KLRG2: variants seen among roughly 807,000 people sequenced by gnomAD.
KLRG2 encodes killer cell lectin-like receptor subfamily G member 2.
Under a neutral mutation model 35.4 loss-of-function variants are expected in KLRG2, and 39 were observed. That is an observed-to-expected ratio of 1.10 (90% CI 0.85 to 1.44). The LOEUF (loss-of-function observed/expected upper bound fraction) is 1.44, where lower values mean the gene tolerates loss of function less well. Among genes scored for constraint, KLRG2 ranks in the 40% most tolerant of loss-of-function variants. The pLI, the probability that KLRG2 is intolerant of heterozygous loss-of-function variation, is 0.00. For synonymous variants in KLRG2, 283 were observed against 265.8 expected (o/e 1.06, Z -0.63); for missense variants, 632 against 570.9 (o/e 1.11, Z -1.09).
At chr7:139,479,010 G>A (rs1002852642) in intron 3 of KLRG2, among the ~76,000 whole-genome samples, 23 of 152,134 alleles carry the variant, frequency 1.5e-4, no homozygotes, top group Non-Finnish European at 5.9e-5. Context: ...AGGATCACTT[G>A]AGGCCAGAAG....
rs537742771 is a variant in KLRG2, at chr7:139,479,636, G to T, written c.996C>A (p.Ser332Arg). 1 of 1,612,758 alleles carries T rather than the reference G, an allele frequency of 6.2e-7. No homozygotes were observed. Among genetic ancestry groups the T allele is most frequent in the South Asian group, 1.1e-5 (1 of 91,080 alleles). The change falls in exon 3 of 5, where the codon AGC (serine) becomes AGA (arginine). Residue 332 changes from serine to arginine, a missense_variant. Coordinates refer to ENST00000340940, the MANE Select transcript of KLRG2 (RefSeq NM_198508.4). ...SAYHATLPLLSHTQDFLGRYP... is the reference protein window; with the variant it reads ...SAYHATLPLLRHTQDFLGRYP... Reference sequence around the variant, plus strand: ...GACACCCCCTTCTCACCTGGGTGTGGCTTAGCAGGGGGAGGGTAGCGTGGT... The same window carrying T: ...GACACCCCCTTCTCACCTGGGTGTGTCTTAGCAGGGGGAGGGTAGCGTGGT...
Position 139,477,256 on chromosome 7 carries a change from A to C in KLRG2, c.1005+2371T>G, listed in dbSNP as rs1000187217. Among the ~76,000 whole-genome samples, 6 of 152,322 alleles carry C rather than the reference A, an allele frequency of 3.9e-5. No individual in the cohort carries two copies. The South Asian group carries it at 1.0e-3, about 26-fold the overall frequency. On this transcript the variant is annotated intron_variant, in intron 3 of 4. Coordinates refer to ENST00000340940, the MANE Select transcript of KLRG2 (RefSeq NM_198508.4). ...TCTAAGAACTGAAAACAGGGTCTCGAAGAGATATTTGTCCACCCAAATTCA... is the reference window on the plus strand; with the variant it reads ...TCTAAGAACTGAAAACAGGGTCTCGCAGAGATATTTGTCCACCCAAATTCA...
chr7:139,454,819 A>AAATAATAAT (rs34409730), intron 3 of KLRG2, among the ~76,000 whole-genome samples: 12 of 140,526 alleles, frequency 8.5e-5, no homozygotes, highest in East Asian at 2.1e-4. Context: ...TTCTATCTCA[A>AAATAATAAT]AATAATAATA....
At chr7:139,464,373 T>A (rs913474850) in intron 3 of KLRG2, among the ~76,000 whole-genome samples, 1 of 152,168 alleles carries the variant, frequency 6.6e-6, no homozygotes, top group Non-Finnish European at 1.5e-5. Context: ...ATTCCCCCAT[T>A]TTACCTGTCC....
At chr7:139,461,314 C>T (rs1452183235) in intron 3 of KLRG2, among the ~76,000 whole-genome samples, 1 of 152,098 alleles carries the variant, frequency 6.6e-6, no homozygotes, top group Non-Finnish European at 1.5e-5. Context: ...TGGGGTGGGG[C>T]TTCTGAGCCA....
intron 3 of KLRG2, among the ~76,000 whole-genome samples, chr7:139,469,488 C>T (rs944385151): frequency 1.3e-5 from 2 of 151,582 alleles, no homozygotes; most frequent in African/African-American, 2.4e-5. Context: ...GACAGAGTTT[C>T]GCTCCGTCAC....
chr7:139,457,948 C>T (rs1364120344), intron 3 of KLRG2, among the ~76,000 whole-genome samples: 1 of 152,188 alleles, frequency 6.6e-6, no homozygotes, highest in African/African-American at 2.4e-5. Flanking sequence ...ACTGTGGATT[C>T]TCCAACTTTT....
intron 3 of KLRG2, among the ~76,000 whole-genome samples, chr7:139,454,850 AATAATAATAATAAT>A (rs567998126): frequency 2.5e-3 from 366 of 145,156 alleles, no homozygotes; most frequent in Middle Eastern, 0.011. Context: ...TAATAATAAT[AATAATAATAATAAT>A]AACACACGCA....
rs1357971846 is a variant in KLRG2, at chr7:139,453,543, G to T, written c.*44C>A. ...TCTCAACTGGCCTCCCCTGTAGGGG[G>T]TGCTGCATCTGCCTGGCAGGCTGAG... is the stretch of plus-strand genomic sequence containing the variant. On this transcript the variant is annotated 3_prime_UTR_variant, in exon 5 of 5. Coordinates refer to ENST00000340940, the MANE Select transcript of KLRG2 (RefSeq NM_198508.4). The T allele has an allele frequency of 2.6e-6, 4 of 1,558,686 alleles. No individual in the cohort carries two copies. The highest frequency in any genetic ancestry group is 3.9e-5 in the Admixed American group (2 of 51,948).
the KLRG2 span, among the ~76,000 whole-genome samples, chr7:139,439,804 A>G: frequency 7.9e-5 from 12 of 152,334 alleles, no homozygotes; most frequent in Non-Finnish European, 1.8e-4. Flanking sequence ...GTAACAAAGT[A>G]TCTCAGACTG....
At chr7:139,478,950 C>T (rs115252946) in intron 3 of KLRG2, among the ~76,000 whole-genome samples, 1,942 of 151,988 alleles carry the variant, frequency 0.013, 51 homozygotes, top group African/African-American at 0.044. Context: ...CTTGGCTGTG[C>T]GCAGTGGCTC....
intron 3 of KLRG2, among the ~76,000 whole-genome samples, chr7:139,456,845 G>T (rs183397743): frequency 6.6e-6 from 1 of 152,094 alleles, no homozygotes; most frequent in Admixed American, 6.6e-5. Flanking sequence ...AACCTGGTGC[G>T]GGCCAGGAGC....
the KLRG2 span, among the ~76,000 whole-genome samples, chr7:139,446,284 A>G: frequency 2.4e-4 from 36 of 150,528 alleles, 1 homozygote; most frequent in African/African-American, 7.6e-4. Context: ...CAGCAGAGCC[A>G]CATTCCCCCT....
chr7:139,456,960 GACCAGGCCATCAGGCC>G (rs1796488110), intron 3 of KLRG2, among the ~76,000 whole-genome samples: 1 of 152,174 alleles, frequency 6.6e-6, no homozygotes, highest in African/African-American at 2.4e-5. Flanking sequence ...GCCACAGTGA[GACCAGGCCATCAGGCC>G]ACTGTGTATC....
the KLRG2 span, among the ~76,000 whole-genome samples, chr7:139,437,500 A>G: frequency 6.6e-6 from 1 of 151,258 alleles, no homozygotes; most frequent in Non-Finnish European, 1.5e-5. Context: ...TCTGTTGCCC[A>G]GGCTGGAATG....
At chr7:139,464,781 G>A (rs1186683392) in intron 3 of KLRG2, among the ~76,000 whole-genome samples, 1 of 152,240 alleles carries the variant, frequency 6.6e-6, no homozygotes, top group Non-Finnish European at 1.5e-5. Context: ...TGTGGCAGCT[G>A]CCGCTGCTTT....
At chr7:139,427,791 G>C in the KLRG2 span, among the ~76,000 whole-genome samples, 1 of 152,116 alleles carries the variant, frequency 6.6e-6, no homozygotes, top group Admixed American at 6.5e-5. Flanking sequence ...CTACATAGAC[G>C]ATGCCCGATG....
chr7:139,462,159 T>C (rs1796579665), intron 3 of KLRG2, among the ~76,000 whole-genome samples: 2 of 152,180 alleles, frequency 1.3e-5, no homozygotes, highest in South Asian at 4.1e-4. Context: ...CAAAACTCCA[T>C]CGCTAGTTAC....
intron 2 of KLRG2, 53 bp downstream of exon 2, chr7:139,480,093 C>A (rs1796927908): frequency 8.3e-7 from 1 of 1,207,180 alleles, no homozygotes; most frequent in East Asian, 2.3e-5. Context: ...GGAAACACAG[C>A]CCCAGTAGTG....
Sources: gnomAD v4.1 joint callset for allele counts (sites outside exome capture counted in the v4.1 genomes callset) on GRCh38, gnomAD v4.1.1 for gene constraint, MANE v1.5 for transcripts, NCBI Gene and HGNC (gene_info 2026-07-23, HGNC 2026-07-21) for gene names.